The following CNTNAP2 variants were observed in gnomAD, a reference collection of about 807,000 sequenced individuals.
CNTNAP2 encodes the protein contactin-associated protein-like 2.
A neutral mutation model predicts 155.2 loss-of-function variants in CNTNAP2; 98 were observed. That is an observed-to-expected ratio of 0.63 (90% CI 0.54 to 0.75). CNTNAP2 has a LOEUF of 0.75. Among genes scored for constraint, CNTNAP2 ranks in the 30% least tolerant of loss-of-function variants. The pLI is 0.00. For missense variants in CNTNAP2, 1,727 were observed against 1,688.1 expected (o/e 1.02, Z -0.40); for synonymous variants, 651 against 631.2 (o/e 1.03, Z -0.47).
intron 8 of CNTNAP2, among the ~76,000 whole-genome samples, chr7:147,160,612 A>G (rs986570374): frequency 1.3e-5 from 2 of 152,182 alleles, no homozygotes; most frequent in African/African-American, 4.8e-5. Flanking sequence ...AATAGAGTTC[A>G]GCATTTAATA....
At chr7:146,170,811 A>G (rs1458598070) in intron 1 of CNTNAP2, among the ~76,000 whole-genome samples, 1 of 152,080 alleles carries the variant, frequency 6.6e-6, no homozygotes, top group Non-Finnish European at 1.5e-5. Flanking sequence ...GCGGATCACG[A>G]GGTCAGGAGT....
chr7:146,672,218 C>T (rs564360806), intron 1 of CNTNAP2, among the ~76,000 whole-genome samples: 2 of 152,260 alleles, frequency 1.3e-5, no homozygotes, highest in East Asian at 3.9e-4. Flanking sequence ...ACGCAGTGAC[C>T]GTTCACTCTT....
In CNTNAP2 at chr7:148,051,878, G is replaced by T. The variant is rs569308274; in HGVS notation, c.2384-66240G>T. Reference sequence around the variant, plus strand: ...CTTGTGGCTGGGCACAGTGGCTCACGCCTGTAATCCCAGCAGTTTGGGAGG... The same window carrying T: ...CTTGTGGCTGGGCACAGTGGCTCACTCCTGTAATCCCAGCAGTTTGGGAGG... On this transcript the variant is annotated intron_variant, in intron 15 of 23. Transcript: ENST00000361727. 5.3e-5 allele frequency among the ~76,000 whole-genome samples: 8 copies of T among 152,176 alleles called. No homozygotes were observed. In the East Asian group the frequency reaches 9.7e-4, roughly 18 times the overall value.
At chr7:146,450,869 G>A (rs1216988812) in intron 1 of CNTNAP2, among the ~76,000 whole-genome samples, 2 of 152,018 alleles carry the variant, frequency 1.3e-5, no homozygotes, top group Non-Finnish European at 2.9e-5. Context: ...AACACATCAC[G>A]TAGATTGAAT....
intron 15 of CNTNAP2, among the ~76,000 whole-genome samples, chr7:148,073,546 T>C (rs1803420540): frequency 6.6e-6 from 1 of 152,214 alleles, no homozygotes; most frequent in Non-Finnish European, 1.5e-5. Context: ...GATTATTGGC[T>C]CAACAGTAGA....
rs1238088385 is a variant in CNTNAP2 at position 146,586,702 on chromosome 7, GT to G, written c.98-187566del. On this transcript the variant is annotated intron_variant, in intron 1 of 23. Coordinates refer to ENST00000361727, the MANE Select transcript of CNTNAP2 (RefSeq NM_014141.6). ...TAGACAGAAAACCATTATAAGTGCA[GT>G]TTGGTAACTTTAAGGACCTTTGATG... Among the ~76,000 whole-genome samples, 5 of 152,260 alleles carry G rather than the reference GT, an allele frequency of 3.3e-5. No homozygotes were observed. The East Asian group carries it at 9.6e-4, about 29-fold the overall frequency.
chr7:147,141,228 A>G (rs1256304225), intron 8 of CNTNAP2, among the ~76,000 whole-genome samples: 1 of 152,170 alleles, frequency 6.6e-6, no homozygotes, highest in African/African-American at 2.4e-5. Context: ...CGAAGATTTA[A>G]CAATCACCAC....
intron 1 of CNTNAP2, among the ~76,000 whole-genome samples, chr7:146,503,774 A>G (rs1203577635): frequency 6.6e-6 from 1 of 152,132 alleles, no homozygotes; most frequent in African/African-American, 2.4e-5. Context: ...TGGGTTCTCT[A>G]TTCTGTTCCC....
chr7:147,512,476 A>G (rs920746826), intron 11 of CNTNAP2, among the ~76,000 whole-genome samples: 1 of 152,232 alleles, frequency 6.6e-6, no homozygotes, highest in African/African-American at 2.4e-5. Flanking sequence ...ACTCAGACCT[A>G]TTCCAGAATC....
chr7:146,352,755 T>G (rs1411184125), intron 1 of CNTNAP2, among the ~76,000 whole-genome samples: 1 of 116,980 alleles, frequency 8.5e-6, no homozygotes, highest in Non-Finnish European at 1.7e-5. Flanking sequence ...ATTCTGTTTT[T>G]TTTTTTTTTT....
intron 1 of CNTNAP2, among the ~76,000 whole-genome samples, chr7:146,428,004 G>A (rs1018528342): frequency 6.6e-6 from 1 of 152,124 alleles, no homozygotes; most frequent in Admixed American, 6.5e-5. Context: ...TTGGTTTTCT[G>A]TTGCTGCATG....
intron 1 of CNTNAP2, among the ~76,000 whole-genome samples, chr7:146,648,615 T>C (rs1799855604): frequency 6.6e-6 from 1 of 152,086 alleles, no homozygotes; most frequent in African/African-American, 2.4e-5. Context: ...CTAGATGAAA[T>C]TCTCAGATAT....
At chr7:146,318,698 C>T (rs1415268159) in intron 1 of CNTNAP2, among the ~76,000 whole-genome samples, 1 of 152,034 alleles carries the variant, frequency 6.6e-6, no homozygotes, top group Non-Finnish European at 1.5e-5. Context: ...CAGTGAATGT[C>T]TTCACCATTA....
chr7:147,992,931 G>A (rs1801741491), intron 15 of CNTNAP2, among the ~76,000 whole-genome samples: 1 of 152,024 alleles, frequency 6.6e-6, no homozygotes, highest in South Asian at 2.1e-4. Flanking sequence ...TTGTTTTCTG[G>A]TATTTAAACC....
At chr7:146,475,481 C>G (rs774089956) in intron 1 of CNTNAP2, among the ~76,000 whole-genome samples, 1 of 152,124 alleles carries the variant, frequency 6.6e-6, no homozygotes, top group Non-Finnish European at 1.5e-5. Context: ...AGTGCAGAGG[C>G]CTTTAGGATC....
At chr7:146,629,915 G>A (rs1312063201) in intron 1 of CNTNAP2, among the ~76,000 whole-genome samples, 3 of 152,040 alleles carry the variant, frequency 2.0e-5, no homozygotes, top group Non-Finnish European at 4.4e-5. Context: ...CATATTTTAG[G>A]ATGGGGTATA....
intron 12 of CNTNAP2, among the ~76,000 whole-genome samples, chr7:147,607,100 G>C (rs1237743227): frequency 6.6e-6 from 1 of 152,178 alleles, no homozygotes; most frequent in Admixed American, 6.5e-5. Context: ...AAAGTGATCT[G>C]TCGGACTGTG....
intron 12 of CNTNAP2, among the ~76,000 whole-genome samples, chr7:147,629,931 A>G (rs183443768): frequency 3.3e-5 from 5 of 152,242 alleles, no homozygotes; most frequent in Admixed American, 2.6e-4. Flanking sequence ...AAAAACAAGT[A>G]CAAACAATAT....
At chr7:147,442,835 TCTGA>T (rs1460623849) in intron 10 of CNTNAP2, among the ~76,000 whole-genome samples, 3 of 152,082 alleles carry the variant, frequency 2.0e-5, no homozygotes, top group Non-Finnish European at 4.4e-5. Flanking sequence ...GCCTCATGAC[TCTGA>T]CTGCTGCCCT....
Sources: allele counts gnomAD v4.1 joint callset (sites outside exome capture counted in the v4.1 genomes callset), GRCh38; gene constraint gnomAD v4.1.1; transcripts MANE v1.5; gene names NCBI Gene and HGNC (gene_info 2026-07-23, HGNC 2026-07-21).